Variants in ANKRD24 observed in about 807,000 individuals in gnomAD.
ANKRD24 encodes the protein ankyrin repeat domain 24, also known as ankyrin repeat domain-containing protein 24.
Under a neutral mutation model 127.8 loss-of-function variants are expected in ANKRD24, and 109 were observed. That is an observed-to-expected ratio of 0.85 (90% CI 0.73 to 1.00). The LOEUF (loss-of-function observed/expected upper bound fraction) is 1.00, where lower values mean the gene tolerates loss of function less well. Ranked by LOEUF, ANKRD24 falls within the 50% of genes least tolerant of loss-of-function variation. The pLI, the probability that ANKRD24 is intolerant of heterozygous loss-of-function variation, is 0.00. For missense variants in ANKRD24, 1,648 were observed against 1,570.2 expected (o/e 1.05, Z -0.84); for synonymous variants, 743 against 671.1 (o/e 1.11, Z -1.66).
At position 4,217,144 on chromosome 19, in the gene ANKRD24, G is replaced by A. The variant is rs931746148; in HGVS notation, c.1984G>A (p.Ala662Thr). 8.1e-6 allele frequency: 13 copies of A among 1,613,514 alleles called. No individual in the cohort carries two copies. Among genetic ancestry groups the A allele is most frequent in the African/African-American group, 1.3e-5 (1 of 75,030 alleles). ...MQAYGVGAGQ[A>T]EPPVTGTTNM... is the part of the protein sequence containing the mutation. ...GGCCTACGGAGTGGGTGCTGGGCAA[G>A]CAGAGCCCCCAGTCACAGGGACCAC... is the stretch of plus-strand genomic sequence containing the variant. Residue 662 changes from alanine (A) to threonine (T), a missense_variant, in exon 18 of 22, where the codon GCA (alanine) becomes ACA (threonine). Ala to Thr is a moderately conservative substitution (Grantham distance 58). Transcript: ENST00000318934.
chr19:4,198,471 C>A lies in ANKRD24; in HGVS notation c.37-1212C>A. The A allele has an allele frequency of 1.6e-6, 1 of 618,886 alleles. No homozygotes were observed. The highest frequency in any genetic ancestry group is 1.7e-5 in the South Asian group (1 of 58,468). 38.3% of individuals were successfully genotyped at this position (618,886 alleles called of 1,614,324 possible). On this transcript the variant is annotated intron_variant, in intron 2 of 21. Transcript: ENST00000318934. This position sits in a 1 kb window ranked among gnomAD's most constrained non-coding sequence, Gnocchi z 6.1. The stretch of plus-strand genomic sequence containing the variant: ...CTCCTCTTGGAACCCCGTGCGCCCC[C>A]CGCGCCCCGCGCCCCGGACGCCATG...
At chr19:4,207,204 T>C in intron 7 of ANKRD24, 38 bp from the exon 8 acceptor site, 1 of 1,598,666 alleles carries the variant, frequency 6.3e-7, no homozygotes, top group Non-Finnish European at 8.6e-7. Context: ...GATTACAGGG[T>C]TGAGCTACCG....
intron 1 of ANKRD24, among the ~76,000 whole-genome samples, chr19:4,183,934 G>T (rs1599381558): frequency 1.3e-5 from 2 of 150,744 alleles, no homozygotes; most frequent in South Asian, 4.1e-4. Flanking sequence ...AATAAATAAA[G>T]AGTGCATGAG....
rs770777570 is a variant in ANKRD24, at chr19:4,200,025, G to T, written c.254+20G>T. 3.8e-6 allele frequency: 6 copies of T among 1,564,268 alleles called. No individual in the cohort carries two copies. Among genetic ancestry groups the T allele is most frequent in the Non-Finnish European group, 5.2e-6 (6 of 1,152,358 alleles). ...GTCCGCGTGAGTGCCCGCGACCCGG[G>T]AGTGAGATGGCTGAGGGGTGGCAAC... is the stretch of plus-strand genomic sequence containing the variant. On this transcript the variant is annotated intron_variant, in intron 4 of 21. Transcript: ENST00000318934.
chr19:4,190,246 T>A (rs1968307999), intron 2 of ANKRD24, among the ~76,000 whole-genome samples: 1 of 150,540 alleles, frequency 6.6e-6, no homozygotes, highest in African/African-American at 2.5e-5. Context: ...CCATCCTCAT[T>A]AACACGGTGA....
At chr19:4,218,734 C>T (rs1191961933) in intron 18 of ANKRD24, among the ~76,000 whole-genome samples, 1 of 148,938 alleles carries the variant, frequency 6.7e-6, no homozygotes, top group Admixed American at 6.7e-5. Context: ...TCCCTCCCCC[C>T]TTCCCCTTCC....
intron 8 of ANKRD24, 82 bp downstream of exon 8, chr19:4,207,394 G>A (rs1278025380): frequency 1.0e-5 from 16 of 1,577,396 alleles, no homozygotes; most frequent in South Asian, 4.4e-5. Context: ...GGCACCCTTT[G>A]AAAGTCTGAG....
At chr19:4,185,614 G>A (rs1000312816) in intron 1 of ANKRD24, among the ~76,000 whole-genome samples, 2 of 152,200 alleles carry the variant, frequency 1.3e-5, no homozygotes, top group Non-Finnish European at 2.9e-5. Flanking sequence ...GGACAGAAGT[G>A]CACGTGTGCA....
chr19:4,219,540 C>A, intron 18 of ANKRD24, 51 bp from the exon 19 acceptor site: 1 of 1,543,864 alleles, frequency 6.5e-7, no homozygotes, highest in South Asian at 1.2e-5. Flanking sequence ...TGGGGTCTAG[C>A]ATCATTGGAG....
chr19:4,212,654 G>T lies in ANKRD24; in HGVS notation c.1153G>T (p.Gly385Ter). ...GAGACAAGAGGAGAAGGAGAGCCTG[G>T]GACGGGAGGTGGAGAGTTTGCAGAG... ...VERQEEKESL[G>*]REVESLQSRL... Residue 385 changes from glycine (G) to a stop codon, truncating the protein, a stop_gained, in exon 15 of 22, where the codon GGA (glycine) becomes TGA (stop). Transcript: ENST00000318934. LOFTEE classifies it high-confidence loss of function. The T allele has an allele frequency of 2.6e-6, 4 of 1,551,264 alleles. No homozygotes were observed. The highest frequency in any genetic ancestry group is 3.5e-6 in the Non-Finnish European group (4 of 1,147,034).
chr19:4,216,584 T>A lies in ANKRD24; in HGVS notation c.1424T>A (p.Met475Lys), dbSNP rs750776286. 2.5e-6 allele frequency: 4 copies of A among 1,611,694 alleles called. No individual in the cohort carries two copies. The highest frequency in any genetic ancestry group is 3.4e-6 in the Non-Finnish European group (4 of 1,178,966). ...LENFEKDETQMEVEALAEVIP... is the reference protein window; with the variant it reads ...LENFEKDETQKEVEALAEVIP... Reference sequence around the variant, plus strand: ...AACTTTGAGAAGGACGAGACACAGATGGAAGTGGAAGCTTTGGCAGAGGTC... The same window carrying A: ...AACTTTGAGAAGGACGAGACACAGAAGGAAGTGGAAGCTTTGGCAGAGGTC... The change falls in exon 18 of 22, where the codon ATG becomes AAG. Residue 475 changes from methionine to lysine, a missense_variant. Coordinates refer to ENST00000318934, the MANE Select transcript of ANKRD24 (RefSeq NM_001393985.1).
At chr19:4,190,447 C>T (rs1030533774) in intron 2 of ANKRD24, among the ~76,000 whole-genome samples, 13 of 145,386 alleles carry the variant, frequency 8.9e-5, no homozygotes, top group African/African-American at 3.1e-4. Flanking sequence ...AAATCTGGCT[C>T]GGCATGGTGG....
At position 4,182,965 on chromosome 19, in the gene ANKRD24, T is replaced by TTTTGTGTGTGTGTG. The variant is rs1555709117; in HGVS notation, c.-37+226_-37+227insTTGTGTGTGTGTGT. On this transcript the variant is annotated intron_variant, in intron 1 of 21. Coordinates refer to ENST00000318934, the MANE Select transcript of ANKRD24 (RefSeq NM_001393985.1). Reference sequence around the variant, plus strand: ...ACGCAGAGTTACCTGAATATCTCATTTGTGTGTGTGTGTGTGTGTGTGTGT... The same window carrying TTTTGTGTGTGTGTG: ...ACGCAGAGTTACCTGAATATCTCATTTTTGTGTGTGTGTGTGTGTGTGTGTGTGTGTGTGTGTGT... 2.9e-5 allele frequency among the ~76,000 whole-genome samples: 4 copies of TTTTGTGTGTGTGTG among 138,582 alleles called. No homozygotes were observed. In the Admixed American group the frequency reaches 2.9e-4, roughly 10 times the overall value. The allele number at this position is 138,582 out of a possible 152,430, so 90.9% of individuals were successfully genotyped here.
At chr19:4,221,525 T>C (rs1970442907) in intron 19 of ANKRD24, among the ~76,000 whole-genome samples, 1 of 152,128 alleles carries the variant, frequency 6.6e-6, no homozygotes, top group Non-Finnish European at 1.5e-5. Flanking sequence ...CCACCGCACC[T>C]GGTTTCAGAA....
intron 1 of ANKRD24, among the ~76,000 whole-genome samples, chr19:4,184,266 G>C (rs952449391): frequency 7.9e-5 from 12 of 152,308 alleles, no homozygotes; most frequent in African/African-American, 2.6e-4. Context: ...AGCCGGCAGT[G>C]GGCACTGTGG....
At position 4,217,102 on chromosome 19, in the gene ANKRD24, G is replaced by A. The variant is rs765933157; in HGVS notation, c.1942G>A (p.Glu648Lys). The stretch of plus-strand genomic sequence containing the variant: ...GGTGGAGGCCACAAAAACAAAAGCA[G>A]AGGAAGCAGAAATGCAGGCCTACGG... ...MGVEATKTKA[E>K]EAEMQAYGVG... The change falls in exon 18 of 22, where the codon GAG becomes AAG. Residue 648 changes from glutamate (E) to lysine (K), a missense_variant. Glu to Lys is a moderately conservative substitution (Grantham distance 56). Transcript: ENST00000318934. The A allele has an allele frequency of 4.3e-6, 7 of 1,613,660 alleles. No homozygotes were observed. Among genetic ancestry groups the A allele is most frequent in the African/African-American group, 1.3e-5 (1 of 74,880 alleles).
At chr19:4,205,865 G>A (rs950626981) in intron 7 of ANKRD24, among the ~76,000 whole-genome samples, 4 of 150,606 alleles carry the variant, frequency 2.7e-5, no homozygotes, top group Middle Eastern at 3.6e-3. Flanking sequence ...AAAATAGGTC[G>A]GGTGCGGTGG....
intron 2 of ANKRD24, among the ~76,000 whole-genome samples, chr19:4,194,806 G>A (rs1968604208): frequency 6.6e-6 from 1 of 152,220 alleles, no homozygotes; most frequent in Middle Eastern, 3.4e-3. Flanking sequence ...GGTGAGAAGG[G>A]GCAGAACAGG....
chr19:4,188,659 C>T lies in ANKRD24; in HGVS notation c.36+2198C>T, dbSNP rs145720825. On this transcript the variant is annotated intron_variant, in intron 2 of 21. Transcript: ENST00000318934. ...CCACCCAGAGTGATGGGATTACAGG[C>T]GTGAGCCACTGCGCCCAGCCAAGCC... Among the ~76,000 whole-genome samples, 504 of 152,250 alleles carry T rather than the reference C, an allele frequency of 3.3e-3. 3 individuals are homozygous for T. Among genetic ancestry groups the T allele is most frequent in the African/African-American group, 0.011 (477 of 41,556 alleles).
Sources: gnomAD v4.1 joint callset for allele counts (sites outside exome capture counted in the v4.1 genomes callset) on GRCh38, gnomAD v4.1.1 for gene constraint, Gnocchi (gnomAD v3.1) non-coding constraint, MANE v1.5 for transcripts, NCBI Gene and HGNC (gene_info 2026-07-23, HGNC 2026-07-21) for gene names.